Variants in CLVS1 observed in about 807,000 individuals in gnomAD.
CLVS1 encodes the protein clavesin 1.
In CLVS1, 10 loss-of-function variants were observed where a neutral mutation model predicts 33.1. That is an observed-to-expected ratio of 0.30 (90% CI 0.19 to 0.51). CLVS1 has a LOEUF of 0.51. Among genes scored for constraint, CLVS1 ranks in the 20% least tolerant of loss-of-function variants. The pLI is 0.97. For synonymous variants in CLVS1, 163 were observed against 166.1 expected, an observed-to-expected ratio of 0.98 and a Z score of 0.14; for missense variants, 343 against 433.4, an observed-to-expected ratio of 0.79 and a Z score of 1.85.
In CLVS1 at chr8:61,299,754, A is replaced by G. The variant is rs1043481920; in HGVS notation, c.-74A>G. The G allele has an allele frequency of 1.1e-5, 12 of 1,114,686 alleles. No homozygotes were observed. In the South Asian group the frequency reaches 1.2e-4, roughly 11 times the overall value. The allele number at this position is 1,114,686 out of a possible 1,614,324, so 69.0% of individuals were successfully genotyped here. On this transcript the variant is annotated 5_prime_UTR_variant, in exon 2 of 6. Coordinates refer to ENST00000325897, the MANE Select transcript of CLVS1 (RefSeq NM_173519.3). ...GCCTGAATGTGAAAGAAGACCCTCT[A>G]TTTGTCTGTTCCGGGGCAGCCTGGT...
Position 61,489,200 on chromosome 8 carries a change from A to C in CLVS1, c.978-10255A>C, listed in dbSNP as rs374563618. Among the ~76,000 whole-genome samples, 149 of 152,364 alleles carry C rather than the reference A, an allele frequency of 9.8e-4. 1 individual carries two copies. Among genetic ancestry groups the C allele is most frequent in the African/African-American group, 3.3e-3 (138 of 41,586 alleles). ...ACATTTTATAAATTAACAGCTGATT[A>C]ATGTAAACTATTGGATTCATTAACA... On this transcript the variant is annotated intron_variant, in intron 5 of 5. Coordinates refer to ENST00000325897, the MANE Select transcript of CLVS1 (RefSeq NM_173519.3).
intron 2 of CLVS1, among the ~76,000 whole-genome samples, chr8:61,171,911 C>T (rs1303758750): frequency 1.3e-5 from 2 of 152,182 alleles, no homozygotes; most frequent in Non-Finnish European, 2.9e-5. Context: ...GGAAATCAAG[C>T]AGGCTTGGTG....
intron 2 of CLVS1, among the ~76,000 whole-genome samples, chr8:61,326,930 C>G (rs1405215916): frequency 6.6e-6 from 1 of 152,112 alleles, no homozygotes; most frequent in African/African-American, 2.4e-5. Context: ...CTGATTTTAT[C>G]TTTTAATTCT....
intron 2 of CLVS1, among the ~76,000 whole-genome samples, chr8:61,309,802 T>C (rs1242030889): frequency 6.6e-6 from 1 of 152,234 alleles, no homozygotes; most frequent in Non-Finnish European, 1.5e-5. Flanking sequence ...GAGATGAGCA[T>C]TAAGCAGGTT....
intron 1 of CLVS1, among the ~76,000 whole-genome samples, chr8:61,084,271 A>G (rs1805078268): frequency 6.6e-6 from 1 of 152,198 alleles, no homozygotes; most frequent in African/African-American, 2.4e-5. Context: ...CCATTTAGTC[A>G]CAGGCAAACC....
chr8:61,152,348 A>T (rs1050723001), intron 2 of CLVS1, among the ~76,000 whole-genome samples: 6 of 152,134 alleles, frequency 3.9e-5, no homozygotes, highest in African/African-American at 1.4e-4. Context: ...TCTGAACCTA[A>T]CTACCTCCTG....
chr8:61,054,111 T>C (rs1443616864), upstream of CLVS1, among the ~76,000 whole-genome samples: 3 of 152,206 alleles, frequency 2.0e-5, no homozygotes, highest in African/African-American at 4.8e-5. Context: ...GCTTCCTCAA[T>C]AGTGGGAGTG....
chr8:61,428,596 T>C lies in CLVS1; in HGVS notation c.631-25545T>C, dbSNP rs187454776. On this transcript the variant is annotated intron_variant, in intron 3 of 5. Coordinates refer to ENST00000325897, the MANE Select transcript of CLVS1 (RefSeq NM_173519.3). ...ATGTGGCTAGGATAGCAGATTTGAA[T>C]TGTGCTGATAGAAAAAGGCACATTC... Among the ~76,000 whole-genome samples, 330 of 152,320 alleles carry C rather than the reference T, an allele frequency of 2.2e-3. 1 individual carries two copies. Among genetic ancestry groups the C allele is most frequent in the African/African-American group, 7.4e-3 (308 of 41,562 alleles).
At chr8:61,485,191 C>T (rs1357704395) in intron 5 of CLVS1, among the ~76,000 whole-genome samples, 1 of 152,148 alleles carries the variant, frequency 6.6e-6, no homozygotes, top group African/African-American at 2.4e-5. Flanking sequence ...TCGCAACCTA[C>T]TCATCTGACA....
chr8:60,984,166 T>A, the CLVS1 span, among the ~76,000 whole-genome samples: 1 of 152,214 alleles, frequency 6.6e-6, no homozygotes, highest in African/African-American at 2.4e-5. Context: ...CCCTAGGATA[T>A]CTTTCTCATT....
At chr8:61,198,049 T>G (rs1202843095) in intron 2 of CLVS1, among the ~76,000 whole-genome samples, 1 of 152,232 alleles carries the variant, frequency 6.6e-6, no homozygotes, top group South Asian at 2.1e-4. Context: ...ATTGTTCACC[T>G]GATTTTTGGT....
At chr8:61,417,943 C>T (rs997391102) in intron 3 of CLVS1, among the ~76,000 whole-genome samples, 1 of 152,220 alleles carries the variant, frequency 6.6e-6, no homozygotes, top group Non-Finnish European at 1.5e-5. Flanking sequence ...TGTCTTATCC[C>T]CTGGTCCCAG....
chr8:61,363,646 G>T (rs1813075385), intron 2 of CLVS1, among the ~76,000 whole-genome samples: 1 of 152,132 alleles, frequency 6.6e-6, no homozygotes, highest in Non-Finnish European at 1.5e-5. Context: ...CCAGTCCATT[G>T]GATTTTGTTG....
At chr8:61,048,207 A>T in the CLVS1 span, among the ~76,000 whole-genome samples, 1 of 152,210 alleles carries the variant, frequency 6.6e-6, no homozygotes, top group Non-Finnish European at 1.5e-5. Flanking sequence ...TCCTGCACGA[A>T]AGTCACCTAG....
At chr8:61,316,088 A>G (rs987012502) in intron 2 of CLVS1, among the ~76,000 whole-genome samples, 5 of 152,118 alleles carry the variant, frequency 3.3e-5, no homozygotes, top group African/African-American at 9.7e-5. Context: ...ATAGTATTCT[A>G]TGGTGTATAT....
chr8:61,213,298 A>AATCTC (rs1303731839), intron 2 of CLVS1, among the ~76,000 whole-genome samples: 1 of 150,862 alleles, frequency 6.6e-6, no homozygotes, highest in Non-Finnish European at 1.5e-5. Context: ...GACTGCTGCT[A>AATCTC]ATCTCTGGAA....
At chr8:61,215,920 C>A (rs1292867247) in intron 2 of CLVS1, among the ~76,000 whole-genome samples, 1 of 152,044 alleles carries the variant, frequency 6.6e-6, no homozygotes, top group Non-Finnish European at 1.5e-5. Flanking sequence ...TTGTTCAATC[C>A]ATTTCTTGGA....
intron 5 of CLVS1, among the ~76,000 whole-genome samples, chr8:61,469,726 C>T (rs948649076): frequency 1.4e-4 from 22 of 152,144 alleles, no homozygotes; most frequent in South Asian, 1.0e-3. Flanking sequence ...ACAGGAGGAC[C>T]GTTGTCTTCT....
At chr8:61,006,046 G>A in the CLVS1 span, among the ~76,000 whole-genome samples, 2 of 152,192 alleles carry the variant, frequency 1.3e-5, no homozygotes, top group African/African-American at 4.8e-5. Flanking sequence ...CTAGTGAAAT[G>A]TCTGGTAGGA....
Sources: gnomAD v4.1 joint callset for allele counts (sites outside exome capture counted in the v4.1 genomes callset) on GRCh38, gnomAD v4.1.1 for gene constraint, MANE v1.5 for transcripts, NCBI Gene and HGNC (gene_info 2026-07-23, HGNC 2026-07-21) for gene names.